The following TRIM22 variants were observed in gnomAD, a reference collection of about 807,000 sequenced individuals.
TRIM22 encodes the protein tripartite motif containing 22.
A neutral mutation model predicts 53.6 loss-of-function variants in TRIM22; 45 were observed. The ratio of observed to expected loss-of-function variants is 0.84; its 90% CI spans 0.66 to 1.08. The LOEUF (loss-of-function observed/expected upper bound fraction) is 1.08. TRIM22 is among the 50% of genes least tolerant of loss of function. The pLI, the probability that TRIM22 is intolerant of heterozygous loss-of-function variation, is 0.00. For synonymous variants in TRIM22, 225 were observed against 216.6 expected (o/e 1.04, Z -0.34); for missense variants, 616 against 590.9 (o/e 1.04, Z -0.44).
Position 5,698,079 on chromosome 11 carries a change from C to G in TRIM22, c.520-236C>G, listed in dbSNP as rs542030562. ...TACAATCCAAGCCTCACCCAGGCAT[C>G]ACATTTTGTCTCAGATTAGGCCTCA... On this transcript the variant is annotated intron_variant, in intron 3 of 7. Transcript: ENST00000379965. The G allele has an allele frequency of 5.0e-5, 23 of 460,888 alleles. 1 individual carries two copies. Among genetic ancestry groups the G allele is most frequent in the South Asian group, 4.7e-4 (20 of 42,318 alleles). 28.5% of individuals were successfully genotyped at this position (460,888 alleles called of 1,614,324 possible).
At chr11:5,706,663 T>G in intron 5 of TRIM22, 47 bp downstream of exon 5, 1 of 1,562,102 alleles carries the variant, frequency 6.4e-7, no homozygotes, top group Non-Finnish European at 8.7e-7. Context: ...AAAAGAGAAT[T>G]ATAGTCCTGA....
At chr11:5,699,590 G>A (rs1189352837) in intron 4 of TRIM22, among the ~76,000 whole-genome samples, 2 of 128,228 alleles carry the variant, frequency 1.6e-5, no homozygotes, top group African/African-American at 2.8e-5. Context: ...TGTTGTTTAT[G>A]TATAAGTTTT....
chr11:5,700,266 C>T (rs1187401942), intron 4 of TRIM22, among the ~76,000 whole-genome samples: 1 of 151,986 alleles, frequency 6.6e-6, no homozygotes, highest in Non-Finnish European at 1.5e-5. Context: ...CGCACACCGC[C>T]ACACCTGGCT....
Position 5,696,428 on chromosome 11 carries a change from G to C in TRIM22, c.196G>C (p.Gly66Arg). Residue 66 changes from glycine to arginine, a missense_variant, in exon 2 of 8, where the codon GGG becomes CGG. By Grantham distance (125) the Gly-to-Arg change is moderately radical. Coordinates refer to ENST00000379965, the MANE Select transcript of TRIM22 (RefSeq NM_006074.5). ...TGTGTGTCAGACCAGATTCCAGCCT[G>C]GGAACCTCCGACCTAATCGGCATCT... The part of the protein sequence containing the change: ...CPVCQTRFQP[G>R]NLRPNRHLAN... 6.2e-7 allele frequency: 1 copy of C among 1,614,242 alleles called. No homozygotes were observed. Among genetic ancestry groups the C allele is most frequent in the Non-Finnish European group, 8.5e-7 (1 of 1,180,048 alleles).
At chr11:5,692,930 C>T (rs1325399030) in intron 1 of TRIM22, among the ~76,000 whole-genome samples, 1 of 141,718 alleles carries the variant, frequency 7.1e-6, no homozygotes. Flanking sequence ...GGCTGGAGTG[C>T]AGTGGTGTGA....
intron 3 of TRIM22, 22 bp downstream of exon 3, chr11:5,697,365 G>A: frequency 1.3e-6 from 2 of 1,569,814 alleles, no homozygotes; most frequent in Non-Finnish European, 1.7e-6. Context: ...CACCTCCTAA[G>A]GGATAATTAG....
intron 4 of TRIM22, 23 bp from the exon 5 acceptor site, chr11:5,706,571 C>G (rs749472160): frequency 6.2e-7 from 1 of 1,611,538 alleles, no homozygotes; most frequent in Non-Finnish European, 8.5e-7. Flanking sequence ...TATCTTGACT[C>G]ATGTTTTCTA....
intron 4 of TRIM22, among the ~76,000 whole-genome samples, chr11:5,705,344 A>G (rs1853442938): frequency 6.6e-6 from 1 of 152,200 alleles, no homozygotes; most frequent in Non-Finnish European, 1.5e-5. Context: ...TAATCTGAAA[A>G]TAAGTCAATA....
rs1853530571 is a variant in TRIM22 at position 5,709,810 on chromosome 11, T to G, written c.*162T>G. On this transcript the variant is annotated 3_prime_UTR_variant, in exon 8 of 8. Coordinates refer to ENST00000379965, the MANE Select transcript of TRIM22 (RefSeq NM_006074.5). The stretch of plus-strand genomic sequence containing the variant: ...TTGCTAGGGCTTCCATAGCAAAGCA[T>G]CATAGATTGCTGATTTAAACTGTAA... The G allele has an allele frequency of 3.1e-6, 2 of 654,262 alleles. No homozygotes were observed. The highest frequency in any genetic ancestry group is 2.6e-6 in the Non-Finnish European group (1 of 386,490). The allele number at this position is 654,262 out of a possible 1,614,324, so 40.5% of individuals were successfully genotyped here.
chr11:5,692,179 G>T (rs1439209261), intron 1 of TRIM22, among the ~76,000 whole-genome samples: 1 of 152,126 alleles, frequency 6.6e-6, no homozygotes, highest in South Asian at 2.1e-4. Context: ...GTTACTAGAG[G>T]ATAAATGTAA....
At chr11:5,698,162 C>T in intron 3 of TRIM22, 153 bp from the exon 4 acceptor site, 2 of 638,290 alleles carry the variant, frequency 3.1e-6, no homozygotes, top group South Asian at 2.0e-5. Flanking sequence ...AGTAGAAAAA[C>T]ATGGCTTCAC....
At chr11:5,695,780 G>A (rs928458148) in intron 1 of TRIM22, among the ~76,000 whole-genome samples, 1 of 152,184 alleles carries the variant, frequency 6.6e-6, no homozygotes, top group Admixed American at 6.5e-5. Flanking sequence ...CATTCAGAGA[G>A]AAAAGCCTGT....
chr11:5,694,992 T>C (rs989673105), intron 1 of TRIM22, among the ~76,000 whole-genome samples: 1 of 152,182 alleles, frequency 6.6e-6, no homozygotes, highest in African/African-American at 2.4e-5. Context: ...TAATCATCTA[T>C]GGAGGGATAA....
chr11:5,709,693 T>G lies in TRIM22; in HGVS notation c.*45T>G. 6.6e-7 allele frequency: 1 copy of G among 1,515,210 alleles called. No homozygotes were observed. The highest frequency in any genetic ancestry group is 1.7e-4 in the Middle Eastern group (1 of 5,784). The allele number at this position is 1,515,210 out of a possible 1,614,324, so 93.9% of individuals were successfully genotyped here. A position where few individuals can be genotyped will look rare whatever the true frequency, so the allele number is the denominator to read the frequency against. On this transcript the variant is annotated 3_prime_UTR_variant, in exon 8 of 8. Coordinates refer to ENST00000379965, the MANE Select transcript of TRIM22 (RefSeq NM_006074.5). Reference sequence around the variant, plus strand: ...CACTTCTGCATAGTAGCCCTTGTGCTGAGACTCAGATTCTGCACCTGAGTT... The same window carrying G: ...CACTTCTGCATAGTAGCCCTTGTGCGGAGACTCAGATTCTGCACCTGAGTT...
At chr11:5,699,553 A>T in intron 4 of TRIM22, among the ~76,000 whole-genome samples, 1 of 121,710 alleles carries the variant, frequency 8.2e-6, no homozygotes, top group South Asian at 2.4e-4. Context: ...AAAAAAAAAA[A>T]AAAAAAAAAA....
intron 3 of TRIM22, chr11:5,697,926 A>T (rs1345173809): frequency 5.2e-6 from 1 of 193,676 alleles, no homozygotes; most frequent in African/African-American, 2.3e-5. Context: ...GATGGTCTCA[A>T]TCTCCTGACC....
chr11:5,708,566 T>C lies in TRIM22; in HGVS notation c.875-11T>C, dbSNP rs1340312512. ...CTTCTAACAACATCACTGAAACTTT[T>C]GTCGTTTCAGAGCTGACAGATGTCC... On this transcript the variant is annotated splice_polypyrimidine_tract_variant and intron_variant, in intron 6 of 7. Coordinates refer to ENST00000379965, the MANE Select transcript of TRIM22 (RefSeq NM_006074.5). The C allele has an allele frequency of 1.2e-6, 2 of 1,601,834 alleles. No homozygotes were observed. Among genetic ancestry groups the C allele is most frequent in the African/African-American group, 2.7e-5 (2 of 73,940 alleles).
At chr11:5,691,625 A>G (rs1853173857) in intron 1 of TRIM22, among the ~76,000 whole-genome samples, 1 of 152,220 alleles carries the variant, frequency 6.6e-6, no homozygotes, top group South Asian at 2.1e-4. Flanking sequence ...AACCTCTGGT[A>G]TCCACTCCTG....
chr11:5,696,500 G>C lies in TRIM22; in HGVS notation c.268G>C (p.Glu90Gln), dbSNP rs141180305. ...RVKEVKMSPQ[E>Q]GQKRDVCEHH... ...CAAAGAGGTCAAGATGAGCCCACAG[G>C]AGGGGCAGAAGAGAGATGTCTGTGA... The change falls in exon 2 of 8, where the codon GAG becomes CAG. Residue 90 changes from glutamate to glutamine, a missense_variant. Coordinates refer to ENST00000379965, the MANE Select transcript of TRIM22 (RefSeq NM_006074.5). 1 of 1,614,146 alleles carries C rather than the reference G, an allele frequency of 6.2e-7. No individual in the cohort carries two copies. The highest frequency in any genetic ancestry group is 8.5e-7 in the Non-Finnish European group (1 of 1,180,050).
Sources: gnomAD v4.1 joint callset for allele counts (sites outside exome capture counted in the v4.1 genomes callset) on GRCh38, gnomAD v4.1.1 for gene constraint, MANE v1.5 for transcripts, NCBI Gene and HGNC (gene_info 2026-07-23, HGNC 2026-07-21) for gene names.